Variants in TMEM178B observed in about 807,000 individuals in gnomAD.
The protein encoded by TMEM178B is transmembrane protein 178B.
TMEM178B carries 5 observed loss-of-function variants against 31.0 expected under a neutral mutation model. That is an observed-to-expected ratio of 0.16 (90% CI 0.08 to 0.34). The LOEUF is 0.34. Ranked by LOEUF, TMEM178B falls within the 10% of genes least tolerant of loss-of-function variation. The pLI, the probability that TMEM178B is intolerant of heterozygous loss-of-function variation, is 1.00. For synonymous variants in TMEM178B, 164 were observed against 164.0 expected (o/e 1.00, Z 0.00); for missense variants, 275 against 400.3 (o/e 0.69, Z 2.67).
chr7:141,427,339 A>C (rs1801337051), intron 2 of TMEM178B, among the ~76,000 whole-genome samples: 1 of 152,246 alleles, frequency 6.6e-6, no homozygotes, highest in African/African-American at 2.4e-5. Context: ...TAATCAAAAC[A>C]GCATGGTACT....
At chr7:141,400,540 C>T (rs1800741938) in intron 2 of TMEM178B, among the ~76,000 whole-genome samples, 1 of 152,186 alleles carries the variant, frequency 6.6e-6, no homozygotes, top group Non-Finnish European at 1.5e-5. Flanking sequence ...ATACACCCAC[C>T]CATTCCCAGA....
intron 2 of TMEM178B, among the ~76,000 whole-genome samples, chr7:141,230,739 C>T (rs1311141279): frequency 2.0e-5 from 3 of 152,198 alleles, no homozygotes; most frequent in Admixed American, 6.5e-5. Context: ...TGAGCTTAAG[C>T]AATCCTCCCA....
the TMEM178B span, among the ~76,000 whole-genome samples, chr7:141,501,470 C>T: frequency 6.6e-6 from 1 of 152,054 alleles, no homozygotes; most frequent in African/African-American, 2.4e-5. Context: ...GATTAATACA[C>T]TGTGATGGTC....
chr7:141,445,087 C>A (rs970923598), intron 3 of TMEM178B, among the ~76,000 whole-genome samples: 4 of 152,102 alleles, frequency 2.6e-5, no homozygotes, highest in Admixed American at 2.6e-4. Context: ...TTATACCTTC[C>A]CAGTCAGTCA....
intron 2 of TMEM178B, among the ~76,000 whole-genome samples, chr7:141,367,005 G>A (rs1324540408): frequency 1.3e-5 from 2 of 151,062 alleles, no homozygotes; most frequent in Non-Finnish European, 2.9e-5. Flanking sequence ...GCTCCTTGAT[G>A]GACAGCTGCT....
rs190405249 is a variant in TMEM178B at position 141,373,377 on chromosome 7, C to A, written c.497-64231C>A. ...ACAAATCCTGAGGACCAGTATGGAGCCACAGTTGGAAGTGTACTTGCAGAA... is the reference window on the plus strand; with the variant it reads ...ACAAATCCTGAGGACCAGTATGGAGACACAGTTGGAAGTGTACTTGCAGAA... On this transcript the variant is annotated intron_variant, in intron 2 of 3. Coordinates refer to ENST00000565468, the MANE Select transcript of TMEM178B (RefSeq NM_001195278.2). Among the ~76,000 whole-genome samples the A allele has an allele frequency of 2.0e-5, 3 of 152,284 alleles. No homozygotes were observed. The East Asian group carries it at 5.8e-4, about 29-fold the overall frequency.
intron 2 of TMEM178B, among the ~76,000 whole-genome samples, chr7:141,334,149 C>A (rs1799343267): frequency 6.6e-6 from 1 of 152,184 alleles, no homozygotes; most frequent in Non-Finnish European, 1.5e-5. Flanking sequence ...GGATAGAAAC[C>A]AGTATTGATT....
chr7:141,429,791 G>C (rs370025493), intron 2 of TMEM178B: 1 of 152,150 alleles, frequency 6.6e-6, no homozygotes, highest in East Asian at 1.9e-4. Flanking sequence ...AAAACATCAT[G>C]TTGTACATGA....
chr7:141,458,064 A>C (rs994864588), intron 3 of TMEM178B, among the ~76,000 whole-genome samples: 2 of 152,218 alleles, frequency 1.3e-5, no homozygotes, highest in East Asian at 3.9e-4. Flanking sequence ...TGAGTCATAT[A>C]TCCCTTTCTA....
the TMEM178B span, among the ~76,000 whole-genome samples, chr7:141,499,727 T>G: frequency 6.6e-6 from 1 of 152,322 alleles, no homozygotes; most frequent in East Asian, 1.9e-4. Flanking sequence ...ATGTCTTCAC[T>G]GACAGCATCA....
chr7:141,401,581 AT>A (rs577903087), intron 2 of TMEM178B, among the ~76,000 whole-genome samples: 8 of 150,270 alleles, frequency 5.3e-5, no homozygotes, highest in Non-Finnish European at 1.0e-4. Flanking sequence ...ACACCCAGCT[AT>A]TTTTTTATTT....
downstream of TMEM178B, among the ~76,000 whole-genome samples, chr7:141,484,573 T>C (rs962492241): frequency 6.6e-6 from 1 of 152,148 alleles, no homozygotes; most frequent in African/African-American, 2.4e-5. This position sits in a 1 kb window ranked among gnomAD's most constrained non-coding sequence, Gnocchi z 4.8. Flanking sequence ...TTTGTTTGTT[T>C]GTTTTTGAGA....
At chr7:141,365,458 G>A (rs933145727) in intron 2 of TMEM178B, among the ~76,000 whole-genome samples, 6 of 152,080 alleles carry the variant, frequency 3.9e-5, no homozygotes, top group Non-Finnish European at 5.9e-5. Flanking sequence ...TATGAATTGG[G>A]GCCCATCTCC....
chr7:141,459,436 C>T (rs991215061), intron 3 of TMEM178B, among the ~76,000 whole-genome samples: 7 of 152,204 alleles, frequency 4.6e-5, no homozygotes, highest in Admixed American at 1.3e-4. Context: ...GACACCACCA[C>T]GCCAGTTCTT....
At chr7:141,103,254 G>A (rs965123115) in intron 1 of TMEM178B, among the ~76,000 whole-genome samples, 4 of 152,198 alleles carry the variant, frequency 2.6e-5, no homozygotes, top group African/African-American at 4.8e-5. Flanking sequence ...AATTGTGGTT[G>A]TAGATCACCG....
At chr7:141,458,181 G>A (rs1287354586) in intron 3 of TMEM178B, among the ~76,000 whole-genome samples, 1 of 152,186 alleles carries the variant, frequency 6.6e-6, no homozygotes, top group Admixed American at 6.5e-5. Flanking sequence ...GTGCAGTGGT[G>A]TGATCTCAGC....
At chr7:141,446,525 C>T (rs1216449105) in intron 3 of TMEM178B, among the ~76,000 whole-genome samples, 1 of 152,172 alleles carries the variant, frequency 6.6e-6, no homozygotes, top group Admixed American at 6.5e-5. Context: ...GAAGAGCCAA[C>T]CCTTGTCTAC....
downstream of TMEM178B, among the ~76,000 whole-genome samples, chr7:141,483,924 C>G (rs763755950): frequency 1.5e-4 from 23 of 152,002 alleles, no homozygotes; most frequent in Non-Finnish European, 2.9e-4. Context: ...TTAGTAGAAA[C>G]AGGGTTTTAC....
downstream of TMEM178B, among the ~76,000 whole-genome samples, chr7:141,481,099 C>G (rs1474915061): frequency 6.6e-6 from 1 of 152,210 alleles, no homozygotes; most frequent in Non-Finnish European, 1.5e-5. Context: ...CGCTGCTGGA[C>G]TCTGGGCACC....
Sources: allele counts gnomAD v4.1 joint callset (sites outside exome capture counted in the v4.1 genomes callset), GRCh38; gene constraint gnomAD v4.1.1; non-coding constraint Gnocchi (gnomAD v3.1); transcripts MANE v1.5; gene names NCBI Gene and HGNC (gene_info 2026-07-23, HGNC 2026-07-21).